The following MLN variants were observed in gnomAD, a reference collection of about 807,000 sequenced individuals.
MLN encodes the protein promotilin.
In MLN, 14 loss-of-function variants were observed where a neutral mutation model predicts 13.3. The observed-to-expected ratio is 1.05, with a 90% confidence interval of 0.69 to 1.64. MLN has a LOEUF of 1.64. Ranked by LOEUF, MLN falls within the 40% of genes most tolerant of loss-of-function variation. The pLI is 0.00. For missense variants in MLN, 122 were observed against 142.9 expected (o/e 0.85, Z 0.75); for synonymous variants, 59 against 54.7 (o/e 1.08, Z -0.34).
chr6:33,794,765 G>C lies in MLN; in HGVS notation c.*60C>G. On this transcript the variant is annotated 3_prime_UTR_variant, in exon 5 of 5. Coordinates refer to ENST00000430124, the MANE Select transcript of MLN (RefSeq NM_002418.3). ...AGCTGGCAGGCTCTGTAAATTCCCA[G>C]GGCCTCACTTGGGCAGGAGGGGCCT... 6.2e-7 allele frequency: 1 copy of C among 1,601,326 alleles called. No individual in the cohort carries two copies. Among genetic ancestry groups the C allele is most frequent in the Admixed American group, 1.7e-5 (1 of 57,738 alleles).
chr6:33,802,726 G>A (rs1448750794), intron 1 of MLN, among the ~76,000 whole-genome samples: 2 of 152,066 alleles, frequency 1.3e-5, no homozygotes, highest in East Asian at 1.9e-4. Context: ...AGGACCACCC[G>A]CCCACCCAAG....
At chr6:33,798,418 G>A (rs1228113210) in intron 3 of MLN, among the ~76,000 whole-genome samples, 5 of 152,216 alleles carry the variant, frequency 3.3e-5, no homozygotes, top group South Asian at 2.1e-4. Context: ...ACAAGCTCAA[G>A]GTTCTCCCCA....
chr6:33,796,659 G>T (rs1767931268), intron 3 of MLN, among the ~76,000 whole-genome samples: 1 of 152,202 alleles, frequency 6.6e-6, no homozygotes, highest in Non-Finnish European at 1.5e-5. Flanking sequence ...GGGGCTCAGG[G>T]TGCCTGAAGG....
At chr6:33,798,435 A>G (rs11757524) in intron 3 of MLN, among the ~76,000 whole-genome samples, 34,297 of 152,154 alleles carry the variant, frequency 0.23, 4,074 homozygotes, top group Admixed American at 0.3. Flanking sequence ...CCCAGCCCCA[A>G]CAATCGGCCC....
intron 2 of MLN, 127 bp downstream of exon 2, chr6:33,800,920 G>T: frequency 1.4e-6 from 1 of 724,068 alleles, no homozygotes; most frequent in Non-Finnish European, 2.5e-6. Context: ...GCGTGAAGGT[G>T]GCCAGAGAGG....
chr6:33,799,234 C>G lies in MLN; in HGVS notation c.118-13G>C. 6.3e-7 allele frequency: 1 copy of G among 1,597,368 alleles called. No homozygotes were observed. The highest frequency in any genetic ancestry group is 8.6e-7 in the Non-Finnish European group (1 of 1,166,196). On this transcript the variant is annotated splice_polypyrimidine_tract_variant and intron_variant, in intron 2 of 4. Transcript: ENST00000430124. This position sits in a 1 kb window ranked among gnomAD's most constrained non-coding sequence, Gnocchi z 4.6. ...TCCGTTCCTTTTCCTAGGGGCAGAA[C>G]AGAAAATTGCACAAAACCGCCCTCC...
intron 3 of MLN, among the ~76,000 whole-genome samples, chr6:33,796,223 A>G (rs574668639): frequency 3.9e-5 from 6 of 152,268 alleles, no homozygotes; most frequent in African/African-American, 1.4e-4. Context: ...TAACCTCTCA[A>G]TAGCTCTGTG....
intron 3 of MLN, among the ~76,000 whole-genome samples, chr6:33,796,006 C>G (rs1330679272): frequency 2.8e-5 from 4 of 144,492 alleles, no homozygotes; most frequent in Non-Finnish European, 6.0e-5. Flanking sequence ...GTCGCCCAGG[C>G]TGGAGTGCAG....
chr6:33,799,121 T>C lies in MLN; in HGVS notation c.218A>G (p.Glu73Gly). 6.2e-7 allele frequency: 1 copy of C among 1,607,864 alleles called. No individual in the cohort carries two copies. The highest frequency in any genetic ancestry group is 8.5e-7 in the Non-Finnish European group (1 of 1,174,988). The part of the protein sequence containing the change: ...VDPAEPIREE[E>G]NEMIKLTAPL... ...TCTGCTCACCTTGATCATTTCGTTT[T>C]CTTCTTCCCTGATGGGCTCCGCAGG... is the stretch of plus-strand genomic sequence containing the variant. The change falls in exon 3 of 5, where the codon GAA (glutamate) becomes GGA (glycine). Residue 73 changes from glutamate (E) to glycine (G), a missense_variant. Glu to Gly is a moderately conservative substitution (Grantham distance 98, BLOSUM62 -2). Coordinates refer to ENST00000430124, the MANE Select transcript of MLN (RefSeq NM_002418.3). This position sits in a 1 kb window ranked among gnomAD's most constrained non-coding sequence, Gnocchi z 4.6.
intron 1 of MLN, among the ~76,000 whole-genome samples, chr6:33,802,202 G>A (rs1398142854): frequency 6.6e-6 from 1 of 152,188 alleles, no homozygotes; most frequent in Non-Finnish European, 1.5e-5. Flanking sequence ...AGTAGGCAGA[G>A]GAAGGCACAG....
Position 33,799,066 on chromosome 6 carries a change from G to C in MLN, c.234+39C>G, listed in dbSNP as rs1446102961. On this transcript the variant is annotated intron_variant, in intron 3 of 4. Transcript: ENST00000430124. This position sits in a 1 kb window ranked among gnomAD's most constrained non-coding sequence, Gnocchi z 4.6. ...GGCCAGGCAGGGGAATGCATGCCCT[G>C]CTCTGAGTTTCTCTCCTTTGTCCCA... is the stretch of plus-strand genomic sequence containing the variant. 6.9e-7 allele frequency: 1 copy of C among 1,447,556 alleles called. No individual in the cohort carries two copies. Among genetic ancestry groups the C allele is most frequent in the South Asian group, 1.2e-5 (1 of 85,738 alleles). The allele number at this position is 1,447,556 out of a possible 1,614,324, so 89.7% of individuals were successfully genotyped here. A position where few individuals can be genotyped will look rare whatever the true frequency, so the allele number is the denominator to read the frequency against.
At position 33,803,814 on chromosome 6, in the gene MLN, G is replaced by C. The variant is rs560060355; in HGVS notation, c.-8+139C>G. 5 of 152,604 alleles carry C rather than the reference G, an allele frequency of 3.3e-5. No individual in the cohort carries two copies. The highest frequency in any genetic ancestry group is 1.3e-4 in the Admixed American group (2 of 15,308). 9.5% of individuals were successfully genotyped at this position (152,604 alleles called of 1,614,324 possible). A position where few individuals can be genotyped will look rare whatever the true frequency, so the allele number is the denominator to read the frequency against. On this transcript the variant is annotated intron_variant, in intron 1 of 4. Coordinates refer to ENST00000430124, the MANE Select transcript of MLN (RefSeq NM_002418.3). This position sits in a 1 kb window ranked among gnomAD's most constrained non-coding sequence, Gnocchi z 4.5. ...TCACTGATGCCCTGGGAATCAGCGC[G>C]GGCACTCAGTGCGAAGCCCGGCTGG... is the stretch of plus-strand genomic sequence containing the variant.
At position 33,799,802 on chromosome 6, in the gene MLN, G is replaced by C. The variant is rs3806108; in HGVS notation, c.118-581C>G. Among the ~76,000 whole-genome samples, 50,859 of 152,078 alleles carry C rather than the reference G, an allele frequency of 0.33. 9,646 individuals carry two copies. The highest frequency in any genetic ancestry group is 0.75 in the East Asian group (3,860 of 5,166). On this transcript the variant is annotated intron_variant, in intron 2 of 4. Transcript: ENST00000430124. This position sits in a 1 kb window ranked among gnomAD's most constrained non-coding sequence, Gnocchi z 4.6. ...GTGTCCTTTGCTTGCTATTTTGCTA[G>C]TTTATGTTCCATTGGGTTTGACTGT...
intron 1 of MLN, among the ~76,000 whole-genome samples, chr6:33,801,706 A>G (rs188698532): frequency 2.3e-3 from 354 of 152,334 alleles, no homozygotes; most frequent in Middle Eastern, 0.01. Context: ...GATGAGCCAG[A>G]TGGAAAAATT....
chr6:33,803,391 TC>T lies in MLN; in HGVS notation c.-8+561del, dbSNP rs1037155958. On this transcript the variant is annotated intron_variant, in intron 1 of 4. Coordinates refer to ENST00000430124, the MANE Select transcript of MLN (RefSeq NM_002418.3). The surrounding 1 kb of genome is among the most constrained non-coding windows in gnomAD (Gnocchi z 4.5). ...GGCGCGATCTCGGCTCACTGCAACCTCTGCCTCCCAGGTTCAAGCGATTCTT... is the reference window on the plus strand; with the variant it reads ...GGCGCGATCTCGGCTCACTGCAACCTTGCCTCCCAGGTTCAAGCGATTCTT... Among the ~76,000 whole-genome samples the T allele has an allele frequency of 4.7e-5, 7 of 148,052 alleles. No individual in the cohort carries two copies. The highest frequency in any genetic ancestry group is 1.7e-4 in the African/African-American group (7 of 40,482).
Position 33,797,843 on chromosome 6 carries a change from C to G in MLN, c.234+1262G>C, listed in dbSNP as rs182151414. Among the ~76,000 whole-genome samples, 18 of 152,276 alleles carry G rather than the reference C, an allele frequency of 1.2e-4. No homozygotes were observed. The East Asian group carries it at 3.5e-3, about 29-fold the overall frequency. On this transcript the variant is annotated intron_variant, in intron 3 of 4. Transcript: ENST00000430124. ...TTAAAATGTAAATCAGATCCCATCC[C>G]TCCTCTGCTCAAAACCCCCAAGGCT...
Position 33,795,566 on chromosome 6 carries a change from T to G in MLN, c.274A>C (p.Arg92=). The change falls in exon 4 of 5, where the codon AGA becomes CGA. Residue 92 remains arginine, a synonymous_variant. Transcript: ENST00000430124. ...PLEIGMRMNS[R]QLEKYPATLE... is the part of the protein sequence containing the mutation. ...GTGGCCGGGTACTTTTCCAGCTGTC[T>G]GGAGTTCATCCTCATTCCAATTTCC... The G allele has an allele frequency of 6.4e-7, 1 of 1,565,686 alleles. No homozygotes were observed. The highest frequency in any genetic ancestry group is 1.2e-5 in the South Asian group (1 of 85,070).
rs1385026482 is a variant in MLN, at chr6:33,803,238, G to C, written c.-8+715C>G. ...TCTGCCCTCCCTTGCAGCACCCCTGGCCGGGCTAGCCTTGCCTCCCCATGT... is the reference window on the plus strand; with the variant it reads ...TCTGCCCTCCCTTGCAGCACCCCTGCCCGGGCTAGCCTTGCCTCCCCATGT... On this transcript the variant is annotated intron_variant, in intron 1 of 4. Transcript: ENST00000430124. The surrounding 1 kb of genome is among the most constrained non-coding windows in gnomAD (Gnocchi z 4.5). Among the ~76,000 whole-genome samples the C allele has an allele frequency of 1.3e-5, 2 of 151,988 alleles. No individual in the cohort carries two copies. The highest frequency in any genetic ancestry group is 2.9e-5 in the Non-Finnish European group (2 of 67,976).
At chr6:33,797,965 G>A (rs1259196468) in intron 3 of MLN, among the ~76,000 whole-genome samples, 1 of 152,166 alleles carries the variant, frequency 6.6e-6, no homozygotes, top group African/African-American at 2.4e-5. Context: ...CACTCTTCCT[G>A]AATGCACCAG....
Sources: allele counts gnomAD v4.1 joint callset (sites outside exome capture counted in the v4.1 genomes callset), GRCh38; gene constraint gnomAD v4.1.1; non-coding constraint Gnocchi (gnomAD v3.1); transcripts MANE v1.5; gene names NCBI Gene and HGNC (gene_info 2026-07-23, HGNC 2026-07-21).